GAK: variants seen among roughly 807,000 people sequenced by gnomAD.
GAK encodes cyclin G associated kinase, also known as cyclin-G-associated kinase.
Under a neutral mutation model 143.9 loss-of-function variants are expected in GAK, and 79 were observed. The observed-to-expected ratio is 0.55, with a 90% confidence interval of 0.46 to 0.66. The LOEUF is 0.66. GAK is among the 30% of genes least tolerant of loss of function. GAK has a pLI of 0.00. For synonymous variants in GAK, 881 were observed against 765.5 expected, an observed-to-expected ratio of 1.15 and a Z score of -2.49; for missense variants, 1,693 against 1,779.7, an observed-to-expected ratio of 0.95 and a Z score of 0.88.
chr4:849,882 C>A lies in GAK; in HGVS notation c.3834+10G>T. On this transcript the variant is annotated intron_variant, in intron 27 of 27. Transcript: ENST00000314167. ...AAGGCCTCAAGCGGCCGCCTGGCAG[C>A]TCTGCTCACCTTGTCGGGGTGCACA... The A allele has an allele frequency of 6.3e-7, 1 of 1,577,316 alleles. No individual in the cohort carries two copies. Among genetic ancestry groups the A allele is most frequent in the South Asian group, 1.1e-5 (1 of 89,062 alleles).
chr4:849,585 C>G lies in GAK; in HGVS notation c.*88G>C. 2 of 1,031,688 alleles carry G rather than the reference C, an allele frequency of 1.9e-6. No homozygotes were observed. 63.9% of individuals were successfully genotyped at this position (1,031,688 alleles called of 1,614,324 possible). A position where few individuals can be genotyped will look rare whatever the true frequency, so the allele number is the denominator to read the frequency against. On this transcript the variant is annotated 3_prime_UTR_variant, in exon 28 of 28. Transcript: ENST00000314167. ...GCCCCACCCTGGCCACACCTGCTGT[C>G]GCCCACGGGGTCCTCACGGTGGGGA...
At position 932,285 on chromosome 4, in the gene GAK, G is replaced by T; in HGVS notation, c.-98C>A. The T allele has an allele frequency of 2.1e-6, 3 of 1,396,030 alleles. No individual in the cohort carries two copies. The highest frequency in any genetic ancestry group is 2.8e-6 in the Non-Finnish European group (3 of 1,083,690). The allele number at this position is 1,396,030 out of a possible 1,614,324, so 86.5% of individuals were successfully genotyped here. On this transcript the variant is annotated 5_prime_UTR_variant, in exon 1 of 28. Coordinates refer to ENST00000314167, the MANE Select transcript of GAK (RefSeq NM_005255.4). The surrounding 1 kb of genome is among the most constrained non-coding windows in gnomAD (Gnocchi z 4.0). ...TCAGCTCAGCAACCGCCGGCCCGGA[G>T]GTGCACCATCTTCCGCCTCGACGCC...
At chr4:931,025 G>A (rs998637334) in intron 1 of GAK, among the ~76,000 whole-genome samples, 5 of 152,148 alleles carry the variant, frequency 3.3e-5, no homozygotes, top group African/African-American at 4.8e-5. Context: ...ATAGAGTTAC[G>A]CTTCCGCACC....
intron 18 of GAK, among the ~76,000 whole-genome samples, chr4:873,398 C>A (rs1247368976): frequency 6.6e-6 from 1 of 152,138 alleles, no homozygotes; most frequent in Non-Finnish European, 1.5e-5. Flanking sequence ...TATGACCCAA[C>A]GTGGAGTCCA....
intron 18 of GAK, among the ~76,000 whole-genome samples, chr4:874,626 A>T (rs762534038): frequency 4.6e-4 from 70 of 152,072 alleles, no homozygotes; most frequent in Non-Finnish European, 8.7e-4. Flanking sequence ...CAGCAATTCA[A>T]CCAGGATGCT....
Position 865,126 on chromosome 4 carries a change from T to C in GAK, c.3162A>G (p.Thr1054=), listed in dbSNP as rs376763304. 22 of 1,608,742 alleles carry C rather than the reference T, an allele frequency of 1.4e-5. No homozygotes were observed. The African/African-American group carries it at 1.5e-4, about 11-fold the overall frequency. The part of the protein sequence containing the change: ...AASAVAPTPA[T]EGPLFSPGGQ... ...CTTGGTGGGTGGTGGCCATACCTTC[T>C]GTGGCTGGCGTGGGGGCCACTGCCG... is the stretch of plus-strand genomic sequence containing the variant. The change falls in exon 23 of 28, where the codon ACA becomes ACG. Residue 1054 remains threonine (T), a synonymous_variant. Transcript: ENST00000314167.
chr4:893,101 G>A (rs1717993057), intron 9 of GAK, among the ~76,000 whole-genome samples: 1 of 151,886 alleles, frequency 6.6e-6, no homozygotes, highest in South Asian at 2.1e-4. Context: ...TCCCCTCTGT[G>A]ATAGGAAACT....
chr4:897,665 C>A (rs530250883), intron 6 of GAK, among the ~76,000 whole-genome samples: 2 of 152,318 alleles, frequency 1.3e-5, no homozygotes, highest in East Asian at 3.9e-4. Context: ...AAAATAAAGT[C>A]TGTTTATTAC....
intron 1 of GAK, among the ~76,000 whole-genome samples, chr4:920,688 C>T (rs536148931): frequency 1.2e-3 from 187 of 151,738 alleles, no homozygotes; most frequent in Non-Finnish European, 2.4e-3. Flanking sequence ...GGACTACAGG[C>T]GCCCACCACC....
rs1444150840 is a variant in GAK, at chr4:884,042, A to G, written c.1250T>C (p.Ile417Thr). 6.2e-7 allele frequency: 1 copy of G among 1,613,802 alleles called. No individual in the cohort carries two copies. Among genetic ancestry groups the G allele is most frequent in the Non-Finnish European group, 8.5e-7 (1 of 1,179,830 alleles). ...DLDISYITSR[I>T]AVMSFPAEGV... ...GCCTCATGTGGCACGCATACCTGCAATTCTGGATGTGATGTAAGATATGTC... is the reference window on the plus strand; with the variant it reads ...GCCTCATGTGGCACGCATACCTGCAGTTCTGGATGTGATGTAAGATATGTC... The change falls in exon 12 of 28, where the codon ATT becomes ACT. Residue 417 changes from isoleucine to threonine, a missense_variant. By Grantham distance (89) the Ile-to-Thr change is moderately conservative. Transcript: ENST00000314167.
intron 18 of GAK, among the ~76,000 whole-genome samples, chr4:872,013 C>G (rs1712743896): frequency 6.6e-6 from 1 of 152,184 alleles, no homozygotes; most frequent in Non-Finnish European, 1.5e-5. Flanking sequence ...CCTGGGAAAC[C>G]CAGGCTGCCA....
At chr4:855,833 T>C (rs1341672871) in intron 24 of GAK, among the ~76,000 whole-genome samples, 1 of 152,194 alleles carries the variant, frequency 6.6e-6, no homozygotes, top group African/African-American at 2.4e-5. Context: ...TGCATGCCTG[T>C]AATCCCAGCT....
intron 10 of GAK, among the ~76,000 whole-genome samples, chr4:889,176 C>A (rs761922578): frequency 3.3e-5 from 5 of 152,136 alleles, no homozygotes; most frequent in Non-Finnish European, 5.9e-5. Context: ...CCACACGTAC[C>A]CAGCGGGAAG....
chr4:868,232 C>T (rs1711507847), intron 20 of GAK, among the ~76,000 whole-genome samples: 1 of 152,208 alleles, frequency 6.6e-6, no homozygotes, highest in South Asian at 2.1e-4. Context: ...CCCCTGTACC[C>T]AGGGGCCCCG....
Position 909,437 on chromosome 4 carries a change from C to T in GAK, c.382+2236G>A, listed in dbSNP as rs192434623. 3.6e-3 allele frequency among the ~76,000 whole-genome samples: 541 copies of T among 152,322 alleles called. 4 individuals carry two copies. Among genetic ancestry groups the T allele is most frequent in the Non-Finnish European group, 4.1e-3 (281 of 68,028 alleles). ...GGAGCCTTGACGAGGCCCCGGTATG[C>T]GCACGGGAAGGGCCGGGTGCGACGT... On this transcript the variant is annotated intron_variant, in intron 4 of 27. Transcript: ENST00000314167.
chr4:866,419 G>A lies in GAK; in HGVS notation c.2988C>T (p.Phe996=). The A allele has an allele frequency of 6.2e-7, 1 of 1,614,118 alleles. No individual in the cohort carries two copies. The highest frequency in any genetic ancestry group is 1.7e-5 in the Admixed American group (1 of 60,028). Residue 996 remains phenylalanine, a synonymous_variant, in exon 22 of 28, where the codon TTC becomes TTT. Transcript: ENST00000314167. ...GGGGCGGAGCACTGTGGGCAGACGG[G>A]AAGGATGGTGGGACGGTCACAGAGT... The part of the protein sequence containing the change: ...NSDSVTVPPS[F]PSAHSAPPPS...
chr4:877,577 G>C, intron 16 of GAK, 38 bp downstream of exon 16: 1 of 1,531,490 alleles, frequency 6.5e-7, no homozygotes, highest in Non-Finnish European at 8.8e-7. Flanking sequence ...GAGGGGTGAG[G>C]AGGAGGGAGC....
At chr4:883,975 G>A in intron 12 of GAK, 62 bp downstream of exon 12, 4 of 1,437,528 alleles carry the variant, frequency 2.8e-6, no homozygotes, top group Non-Finnish European at 3.9e-6. Flanking sequence ...ACACAACAGG[G>A]ACTCACTGGG....
chr4:887,880 C>A (rs1354656660), intron 11 of GAK: 3 of 152,086 alleles, frequency 2.0e-5, no homozygotes, highest in Non-Finnish European at 4.4e-5. Flanking sequence ...CGCCTATGCA[C>A]ATACTCACAC....
Sources: allele counts gnomAD v4.1 joint callset (sites outside exome capture counted in the v4.1 genomes callset), GRCh38; gene constraint gnomAD v4.1.1; non-coding constraint Gnocchi (gnomAD v3.1); transcripts MANE v1.5; gene names NCBI Gene and HGNC (gene_info 2026-07-23, HGNC 2026-07-21).